KHDRBS2: variants seen among roughly 807,000 people sequenced by gnomAD.
The protein encoded by KHDRBS2 is KH domain-containing, RNA-binding, signal transduction-associated protein 2.
Under a neutral mutation model 44.3 loss-of-function variants are expected in KHDRBS2, and 26 were observed. The ratio of observed to expected loss-of-function variants is 0.59; its 90% CI spans 0.43 to 0.81. The LOEUF is 0.81. Among genes scored for constraint, KHDRBS2 ranks in the 40% least tolerant of loss-of-function variants. KHDRBS2 has a pLI of 0.00. For missense variants in KHDRBS2, 476 were observed against 433.1 expected, an observed-to-expected ratio of 1.10 and a Z score of -0.88; for synonymous variants, 194 against 151.1, an observed-to-expected ratio of 1.28 and a Z score of -2.08.
intron 2 of KHDRBS2, among the ~76,000 whole-genome samples, chr6:62,098,112 T>A (rs1187500848): frequency 6.6e-6 from 1 of 152,240 alleles, no homozygotes; most frequent in South Asian, 2.1e-4. Flanking sequence ...ATTAATATAG[T>A]CATTTTTAAC....
chr6:61,605,862 C>T, the KHDRBS2 span, among the ~76,000 whole-genome samples: 2 of 152,322 alleles, frequency 1.3e-5, no homozygotes, highest in South Asian at 2.1e-4. Context: ...ATCATATCCC[C>T]TGTGACTTCC....
At chr6:62,045,163 C>A (rs576834932) in intron 3 of KHDRBS2, among the ~76,000 whole-genome samples, 1 of 151,812 alleles carries the variant, frequency 6.6e-6, no homozygotes, top group Non-Finnish European at 1.5e-5. Flanking sequence ...AGGAGGGGAA[C>A]AATAAAGAAT....
At chr6:61,566,446 A>T in the KHDRBS2 span, among the ~76,000 whole-genome samples, 1 of 152,178 alleles carries the variant, frequency 6.6e-6, no homozygotes, top group Non-Finnish European at 1.5e-5. Context: ...TAGATATCCC[A>T]ATTACCCTGA....
chr6:61,659,709 G>C, the KHDRBS2 span, among the ~76,000 whole-genome samples: 126,150 of 151,560 alleles, frequency 0.83, 52,732 homozygotes, highest in Non-Finnish European at 0.88. Context: ...CAAATGAGAA[G>C]TATTGATAAT....
intron 2 of KHDRBS2, among the ~76,000 whole-genome samples, chr6:62,085,169 G>C (rs1368742628): frequency 6.6e-6 from 1 of 152,094 alleles, no homozygotes; most frequent in African/African-American, 2.4e-5. Flanking sequence ...AGAATATTAG[G>C]ATGCTTAAGA....
intron 6 of KHDRBS2, among the ~76,000 whole-genome samples, chr6:61,851,638 G>A (rs1057486616): frequency 1.3e-5 from 2 of 152,216 alleles, no homozygotes; most frequent in Admixed American, 1.3e-4. Flanking sequence ...GGCCTTAAAA[G>A]AAACCAAATC....
intron 4 of KHDRBS2, among the ~76,000 whole-genome samples, chr6:61,914,768 T>A (rs766766605): frequency 6.6e-6 from 1 of 152,118 alleles, no homozygotes; most frequent in Non-Finnish European, 1.5e-5. Flanking sequence ...CTGAGTAGAC[T>A]GGAAAATCAT....
the KHDRBS2 span, among the ~76,000 whole-genome samples, chr6:61,673,348 C>T: frequency 2.6e-5 from 4 of 152,000 alleles, no homozygotes; most frequent in Non-Finnish European, 5.9e-5. Context: ...GAAGCATTCC[C>T]TTTGAAAACT....
chr6:61,652,983 C>T, the KHDRBS2 span, among the ~76,000 whole-genome samples: 2 of 151,910 alleles, frequency 1.3e-5, no homozygotes, highest in African/African-American at 2.4e-5. Flanking sequence ...GAAATGACAC[C>T]GGAGGCAATG....
At chr6:61,843,037 C>T (rs1483898051) in intron 6 of KHDRBS2, among the ~76,000 whole-genome samples, 1 of 151,270 alleles carries the variant, frequency 6.6e-6, no homozygotes, top group Non-Finnish European at 1.5e-5. Context: ...TTAAAAAATT[C>T]ATGAGCCTTG....
intron 1 of KHDRBS2, among the ~76,000 whole-genome samples, chr6:62,254,170 A>G (rs1298701105): frequency 6.6e-6 from 1 of 152,038 alleles, no homozygotes; most frequent in Non-Finnish European, 1.5e-5. Flanking sequence ...CTGTTCCTGC[A>G]TTTTATATGT....
In KHDRBS2 at chr6:61,764,937, T is replaced by TA. The variant is rs1211312019; in HGVS notation, c.811-32174dup. Among the ~76,000 whole-genome samples the TA allele has an allele frequency of 5.7e-5, 8 of 139,528 alleles. No individual in the cohort carries two copies. In the South Asian group the frequency reaches 6.8e-4, roughly 12 times the overall value. 91.5% of individuals were successfully genotyped at this position (139,528 alleles called of 152,430 possible). The stretch of plus-strand genomic sequence containing the variant: ...TTCAGGTGTGCATTGTTGTACTTTT[T>TA]AAAAAAAATCAAAAACTTAATAGTT... On this transcript the variant is annotated intron_variant, in intron 6 of 8. Coordinates refer to ENST00000281156, the MANE Select transcript of KHDRBS2 (RefSeq NM_152688.4).
intron 2 of KHDRBS2, among the ~76,000 whole-genome samples, chr6:62,093,695 C>G (rs1034986092): frequency 1.3e-5 from 2 of 151,804 alleles, no homozygotes; most frequent in African/African-American, 4.8e-5. Context: ...CTCTCTACTT[C>G]TGGAAAGACA....
chr6:62,052,723 G>A (rs573437268), intron 2 of KHDRBS2, among the ~76,000 whole-genome samples: 4 of 152,118 alleles, frequency 2.6e-5, no homozygotes, highest in East Asian at 1.9e-4. Context: ...AACCCAGATC[G>A]CTTGCATGTG....
At chr6:61,890,644 T>C (rs756052232) in intron 6 of KHDRBS2, among the ~76,000 whole-genome samples, 11 of 152,320 alleles carry the variant, frequency 7.2e-5, no homozygotes, top group Admixed American at 2.0e-4. Context: ...TACATAAAGA[T>C]TGTTGAGCTA....
the KHDRBS2 span, among the ~76,000 whole-genome samples, chr6:61,669,211 A>G: frequency 6.6e-6 from 1 of 151,080 alleles, no homozygotes; most frequent in Non-Finnish European, 1.5e-5. Context: ...AAATGAAATA[A>G]TTCTCAAAAA....
At chr6:62,031,194 G>A (rs1449009487) in intron 3 of KHDRBS2, among the ~76,000 whole-genome samples, 3 of 151,970 alleles carry the variant, frequency 2.0e-5, no homozygotes, top group African/African-American at 7.2e-5. Context: ...TGCCAGTCTT[G>A]GCATGATTAA....
chr6:61,998,393 A>G (rs1393339338), intron 3 of KHDRBS2, among the ~76,000 whole-genome samples: 1 of 152,140 alleles, frequency 6.6e-6, no homozygotes, highest in Admixed American at 6.6e-5. Flanking sequence ...TGTCTGGAAG[A>G]CATTTGATTC....
intron 2 of KHDRBS2, among the ~76,000 whole-genome samples, chr6:62,098,514 G>A (rs1293420816): frequency 6.6e-6 from 1 of 151,902 alleles, no homozygotes; most frequent in African/African-American, 2.4e-5. Context: ...TCAGCTGCCA[G>A]GCAATTTGGA....
Sources: gnomAD v4.1 joint callset for allele counts (sites outside exome capture counted in the v4.1 genomes callset) on GRCh38, gnomAD v4.1.1 for gene constraint, MANE v1.5 for transcripts, NCBI Gene and HGNC (gene_info 2026-07-23, HGNC 2026-07-21) for gene names.